PACRGL: variants seen among roughly 807,000 people sequenced by gnomAD.
The protein encoded by PACRGL is PACRG-like protein.
Under a neutral mutation model 34.5 loss-of-function variants are expected in PACRGL, and 38 were observed. The ratio of observed to expected loss-of-function variants is 1.10; its 90% confidence interval spans 0.85 to 1.44. The LOEUF is 1.44. Ranked by LOEUF, PACRGL falls within the 40% of genes most tolerant of loss-of-function variation. The pLI is 0.00. For missense variants in PACRGL, 305 were observed against 281.4 expected (o/e 1.08, Z -0.60); for synonymous variants, 128 against 100.1 (o/e 1.28, Z -1.66).
At chr4:20,708,714 A>G (rs749555773) in intron 4 of PACRGL, among the ~76,000 whole-genome samples, 15 of 152,306 alleles carry the variant, frequency 9.8e-5, no homozygotes, top group African/African-American at 3.6e-4. Context: ...GAACATTACA[A>G]AGGAGTTCAA....
intron 5 of PACRGL, 195 bp from the exon 6 acceptor site, chr4:20,712,593 C>A (rs1316945495): frequency 2.2e-6 from 1 of 445,250 alleles, no homozygotes; most frequent in African/African-American, 2.0e-5. Context: ...AACCAGTTTC[C>A]CTTGGGATAC....
rs1748318402 is a variant in PACRGL at position 20,731,837 on chromosome 4, G to A, written c.*4496G>A. The A allele has an allele frequency of 1.0e-6, 1 of 985,260 alleles. No homozygotes were observed. The highest frequency in any genetic ancestry group is 6.2e-5 in the Admixed American group (1 of 16,260). The allele number at this position is 985,260 out of a possible 1,614,324, so 61.0% of individuals were successfully genotyped here. The stretch of plus-strand genomic sequence containing the variant: ...AGTGGGCACTCTAAATGTTGATTAT[G>A]TAATTGGTGCTTGTTTTCAGAGTGG... On this transcript the variant is annotated 3_prime_UTR_variant, in exon 9 of 9. Transcript: ENST00000503585.
chr4:20,739,781 A>G (rs1353488931), intron 8 of PACRGL, among the ~76,000 whole-genome samples: 1 of 152,038 alleles, frequency 6.6e-6, no homozygotes, highest in Admixed American at 6.5e-5. Flanking sequence ...AAGATCAGTA[A>G]TAACAAACTT....
At chr4:20,711,204 G>A (rs990627668) in intron 5 of PACRGL, among the ~76,000 whole-genome samples, 1 of 151,948 alleles carries the variant, frequency 6.6e-6, no homozygotes, top group Non-Finnish European at 1.5e-5. Context: ...AGCTTTGAAA[G>A]TGTAGTGAAG....
intron 5 of PACRGL, among the ~76,000 whole-genome samples, chr4:20,711,799 A>G (rs1232579187): frequency 1.3e-5 from 2 of 152,200 alleles, no homozygotes; most frequent in East Asian, 3.9e-4. Context: ...TGAAAGGCAT[A>G]GTGAGATATG....
At chr4:20,738,822 G>A (rs1336383049) in intron 8 of PACRGL, among the ~76,000 whole-genome samples, 8 of 152,150 alleles carry the variant, frequency 5.3e-5, no homozygotes, top group African/African-American at 1.9e-4. Flanking sequence ...AAGGGGTTGG[G>A]GAATTCCCTT....
In PACRGL at chr4:20,728,203, C is replaced by CAAGT. The variant is rs1553880164; in HGVS notation, c.*864_*867dup. The CAAGT allele has an allele frequency of 6.6e-6, 1 of 152,086 alleles. No individual in the cohort carries two copies. Among genetic ancestry groups the CAAGT allele is most frequent in the African/African-American group, 2.4e-5 (1 of 41,408 alleles). The allele number at this position is 152,086 out of a possible 1,614,324, so 9.4% of individuals were successfully genotyped here. A position where few individuals can be genotyped will look rare whatever the true frequency, so the allele number is the denominator to read the frequency against. ...TTTTCTAATTCTGTAAATTCTATTA[C>CAAGT]AAGTATGTTGTTTATTACAACTCAT... On this transcript the variant is annotated 3_prime_UTR_variant, in exon 9 of 9. Coordinates refer to ENST00000503585, the MANE Select transcript of PACRGL (RefSeq NM_001258345.3).
chr4:20,725,003 G>A, intron 8 of PACRGL, 115 bp downstream of exon 8: 1 of 554,068 alleles, frequency 1.8e-6, no homozygotes, highest in Non-Finnish European at 2.8e-6. Flanking sequence ...GTAACTATGT[G>A]AAATTGATGC....
intron 8 of PACRGL, among the ~76,000 whole-genome samples, chr4:20,746,321 A>G (rs1051332739): frequency 2.0e-5 from 3 of 152,028 alleles, no homozygotes; most frequent in African/African-American, 7.2e-5. Context: ...GAATTGAACA[A>G]TGAGAACACA....
chr4:20,740,008 A>G (rs1750675425), intron 8 of PACRGL, among the ~76,000 whole-genome samples: 5 of 152,214 alleles, frequency 3.3e-5, no homozygotes, highest in African/African-American at 9.6e-5. Flanking sequence ...TTGAAGATCA[A>G]GTGAATGAAA....
chr4:20,748,667 G>A (rs1447790586), intron 8 of PACRGL, among the ~76,000 whole-genome samples: 2 of 143,126 alleles, frequency 1.4e-5, no homozygotes, highest in African/African-American at 2.6e-5. Flanking sequence ...AGCAAAATAT[G>A]TATAATGCTA....
chr4:20,764,305 C>T, the PACRGL span, among the ~76,000 whole-genome samples: 1 of 151,972 alleles, frequency 6.6e-6, no homozygotes, highest in African/African-American at 2.4e-5. Flanking sequence ...AAAATTATAG[C>T]ATTTTATGTT....
At chr4:20,733,247 T>A (rs2149268663), downstream of PACRGL, among the ~76,000 whole-genome samples, 1 of 152,148 alleles carries the variant, frequency 6.6e-6, no homozygotes, top group Middle Eastern at 3.4e-3. Context: ...TTCATTAGGG[T>A]TTTTGTTGTA....
chr4:20,734,430 G>A (rs1749091579), downstream of PACRGL, among the ~76,000 whole-genome samples: 1 of 152,144 alleles, frequency 6.6e-6, no homozygotes, highest in South Asian at 2.1e-4. Flanking sequence ...TAATCTTTAT[G>A]TGTTATATAT....
At chr4:20,757,386 T>G (rs892906373), downstream of PACRGL, among the ~76,000 whole-genome samples, 6 of 152,304 alleles carry the variant, frequency 3.9e-5, no homozygotes, top group African/African-American at 1.4e-4. Context: ...ATCAGTGAAA[T>G]GTATCCCAAA....
At position 20,742,608 on chromosome 4, in the gene PACRGL, A is replaced by T. The variant is rs139466818; in HGVS notation, c.*57-9957A>T. ...TTATGGCAAACCCACAGCCAATATCATACTGAATGGGCAAAAACTGGACTC... is the reference window on the plus strand; with the variant it reads ...TTATGGCAAACCCACAGCCAATATCTTACTGAATGGGCAAAAACTGGACTC... On this transcript the variant is annotated intron_variant, in intron 8 of 8. Coordinates refer to the PACRGL transcript ENST00000507634. Among the ~76,000 whole-genome samples the T allele has an allele frequency of 5.3e-4, 80 of 152,306 alleles. 3 individuals carry two copies. In the East Asian group the frequency reaches 0.015, roughly 28 times the overall value.
chr4:20,716,024 T>C, intron 7 of PACRGL: 1 of 1,344,272 alleles, frequency 7.4e-7, no homozygotes, highest in Non-Finnish European at 1.0e-6. Context: ...ATTGCGATGT[T>C]TTAGTGAATC....
At chr4:20,709,411 C>A (rs1395861365) in intron 4 of PACRGL, among the ~76,000 whole-genome samples, 1 of 152,134 alleles carries the variant, frequency 6.6e-6, no homozygotes, top group African/African-American at 2.4e-5. Flanking sequence ...AAAGATATCA[C>A]CTGGCATATC....
At chr4:20,708,897 C>T (rs775576308) in intron 4 of PACRGL, among the ~76,000 whole-genome samples, 7 of 150,982 alleles carry the variant, frequency 4.6e-5, no homozygotes, top group Non-Finnish European at 8.8e-5. Flanking sequence ...GAGGCCAAGG[C>T]GGGTGGATCA....
Sources: gnomAD v4.1 joint callset for allele counts (sites outside exome capture counted in the v4.1 genomes callset) on GRCh38, gnomAD v4.1.1 for gene constraint, MANE v1.5 for transcripts, NCBI Gene and HGNC (gene_info 2026-07-23, HGNC 2026-07-21) for gene names.